Variants in CIMIP6 observed in about 807,000 individuals in gnomAD.
The protein encoded by CIMIP6 is ciliary microtubule inner protein 6.
the CIMIP6 span, among the ~76,000 whole-genome samples, chr2:54,368,757 T>C: frequency 2.0e-5 from 3 of 152,174 alleles, no homozygotes; most frequent in Non-Finnish European, 4.4e-5. Context: ...AAGGCTCAGG[T>C]AGTTTCCCTG....
the CIMIP6 span, chr2:54,330,996 G>A: frequency 5.6e-6 from 9 of 1,613,728 alleles, no homozygotes; most frequent in African/African-American, 9.3e-5. Flanking sequence ...AGGAAGATAA[G>A]CATCAGTAAG....
the CIMIP6 span, among the ~76,000 whole-genome samples, chr2:54,381,140 A>T: frequency 6.6e-6 from 1 of 152,146 alleles, no homozygotes; most frequent in African/African-American, 2.4e-5. Flanking sequence ...TCTTTCCTGC[A>T]TCAAGCTCAA....
At chr2:54,367,443 T>C in the CIMIP6 span, among the ~76,000 whole-genome samples, 1 of 152,198 alleles carries the variant, frequency 6.6e-6, no homozygotes, top group South Asian at 2.1e-4. Context: ...ACTATTGGTT[T>C]GATCTATTGT....
chr2:54,346,169 T>C, the CIMIP6 span, among the ~76,000 whole-genome samples: 43 of 152,226 alleles, frequency 2.8e-4, no homozygotes, highest in Non-Finnish European at 5.1e-4. Flanking sequence ...TTTCAACTTT[T>C]AGGCTCAATC....
At chr2:54,347,027 T>G in the CIMIP6 span, among the ~76,000 whole-genome samples, 1 of 152,256 alleles carries the variant, frequency 6.6e-6, no homozygotes, top group Non-Finnish European at 1.5e-5. Flanking sequence ...CTCTGAAAGT[T>G]AAGCTTGTTT....
At chr2:54,358,790 C>A in the CIMIP6 span, among the ~76,000 whole-genome samples, 1 of 137,234 alleles carries the variant, frequency 7.3e-6, no homozygotes, top group African/African-American at 2.5e-5. Context: ...TGGCTCTTTT[C>A]ATGAAGAAAG....
chr2:54,368,641 G>A, the CIMIP6 span, among the ~76,000 whole-genome samples: 17 of 152,168 alleles, frequency 1.1e-4, no homozygotes, highest in African/African-American at 3.4e-4. Flanking sequence ...GGGGTCTTGG[G>A]CCACATGGCA....
chr2:54,369,227 G>A, the CIMIP6 span, among the ~76,000 whole-genome samples: 2 of 152,090 alleles, frequency 1.3e-5, no homozygotes, highest in African/African-American at 4.8e-5. Context: ...TATTTGGTGT[G>A]TATGTGTGTC....
the CIMIP6 span, chr2:54,360,146 G>C: frequency 8.2e-6 from 12 of 1,469,760 alleles, no homozygotes; most frequent in South Asian, 1.8e-4. Context: ...GTTCACAGCT[G>C]CATCTTCCAG....
At chr2:54,337,313 T>G in the CIMIP6 span, among the ~76,000 whole-genome samples, 1 of 152,228 alleles carries the variant, frequency 6.6e-6, no homozygotes, top group Non-Finnish European at 1.5e-5. Context: ...TAAATGTTCT[T>G]TAATTTCATG....
chr2:54,337,936 G>A, the CIMIP6 span, among the ~76,000 whole-genome samples: 4 of 152,028 alleles, frequency 2.6e-5, no homozygotes, highest in East Asian at 1.9e-4. Context: ...TAAAAACATA[G>A]CCTGGGCAAC....
chr2:54,352,055 T>C, the CIMIP6 span, among the ~76,000 whole-genome samples: 2 of 152,172 alleles, frequency 1.3e-5, no homozygotes, highest in East Asian at 3.8e-4. Flanking sequence ...TTAAATATTT[T>C]AATACTGTTT....
At chr2:54,355,387 C>G in the CIMIP6 span, among the ~76,000 whole-genome samples, 1 of 152,140 alleles carries the variant, frequency 6.6e-6, no homozygotes, top group African/African-American at 2.4e-5. Context: ...GAGGCACTCA[C>G]TCCCAGGGTC....
chr2:54,340,946 T>C, the CIMIP6 span, among the ~76,000 whole-genome samples: 7 of 152,140 alleles, frequency 4.6e-5, no homozygotes, highest in Admixed American at 3.9e-4. Context: ...GCTTGGGTGA[T>C]GGAGTGAGAC....
the CIMIP6 span, among the ~76,000 whole-genome samples, chr2:54,381,671 A>G: frequency 2.6e-5 from 4 of 152,218 alleles, no homozygotes; most frequent in Non-Finnish European, 4.4e-5. Context: ...CTATGATTTT[A>G]TGAGCCTATT....
At chr2:54,339,548 A>AT in the CIMIP6 span, among the ~76,000 whole-genome samples, 1 of 74,988 alleles carries the variant, frequency 1.3e-5, no homozygotes, top group East Asian at 2.4e-4. Flanking sequence ...GCTTAAAAAC[A>AT]TTTTTTTAAA....
chr2:54,355,162 T>A, the CIMIP6 span, among the ~76,000 whole-genome samples: 1 of 151,452 alleles, frequency 6.6e-6, no homozygotes, highest in Non-Finnish European at 1.5e-5. Context: ...ATTAAAAAAA[T>A]TAATTATCTT....
the CIMIP6 span, among the ~76,000 whole-genome samples, chr2:54,354,679 A>T: frequency 6.6e-6 from 1 of 152,034 alleles, no homozygotes; most frequent in Non-Finnish European, 1.5e-5. Flanking sequence ...TTATACATTT[A>T]TCCGATGTCT....
At chr2:54,331,228 C>G in the CIMIP6 span, among the ~76,000 whole-genome samples, 1 of 152,164 alleles carries the variant, frequency 6.6e-6, no homozygotes, top group Non-Finnish European at 1.5e-5. Flanking sequence ...ATCTAAAATT[C>G]TTGAAGTCAT....
Sources: allele counts gnomAD v4.1 joint callset (sites outside exome capture counted in the v4.1 genomes callset), GRCh38; gene constraint gnomAD v4.1.1; transcripts MANE v1.5; gene names NCBI Gene and HGNC (gene_info 2026-07-23, HGNC 2026-07-21).